Variants in CFHR2 observed in about 807,000 individuals in gnomAD.
CFHR2 encodes complement factor H related 2.
In CFHR2, 22 loss-of-function variants were observed where a neutral mutation model predicts 21.7. The ratio of observed to expected loss-of-function variants is 1.01; its 90% CI spans 0.72 to 1.45. The LOEUF is 1.45. Among genes scored for constraint, CFHR2 ranks in the 40% most tolerant of loss-of-function variants. CFHR2 has a pLI of 0.00. For missense variants in CFHR2, 294 were observed against 293.3 expected (o/e 1.00, Z -0.02); for synonymous variants, 98 against 97.4 (o/e 1.01, Z -0.04).
chr1:196,956,868 A>C (rs551996483), intron 3 of CFHR2, among the ~76,000 whole-genome samples: 6 of 152,070 alleles, frequency 3.9e-5, no homozygotes, highest in Non-Finnish European at 8.8e-5. Flanking sequence ...TCGATTGCAA[A>C]AATCTTATTT....
chr1:196,958,290 A>G, intron 4 of CFHR2, among the ~76,000 whole-genome samples: 1 of 151,996 alleles, frequency 6.6e-6, no homozygotes, highest in East Asian at 1.9e-4. Flanking sequence ...AAAAGAATAC[A>G]TATTTATTTT....
At chr1:196,952,696 C>T (rs1474396941) in intron 3 of CFHR2, among the ~76,000 whole-genome samples, 2 of 152,168 alleles carry the variant, frequency 1.3e-5, no homozygotes, top group Non-Finnish European at 2.9e-5. Flanking sequence ...AAAAATATCC[C>T]GGGTTTAATT....
chr1:196,950,616 A>T (rs868764895), intron 2 of CFHR2, among the ~76,000 whole-genome samples: 3 of 151,928 alleles, frequency 2.0e-5, no homozygotes, highest in Admixed American at 6.6e-5. Flanking sequence ...TGGAATTACA[A>T]GTGCACACCA....
Position 196,957,985 on chromosome 1 carries a change from G to T in CFHR2, c.525G>T (p.Glu175Asp). 6.2e-7 allele frequency: 1 copy of T among 1,613,654 alleles called. No individual in the cohort carries two copies. Among genetic ancestry groups the T allele is most frequent in the Non-Finnish European group, 8.5e-7 (1 of 1,179,698 alleles). ...TATATGCTCCAGGTTCATCAGTTGAGTACCAGTGCCAGAACTTGTATCAAC... is the reference window on the plus strand; with the variant it reads ...TATATGCTCCAGGTTCATCAGTTGATTACCAGTGCCAGAACTTGTATCAAC... ...LSVYAPGSSV[E>D]YQCQNLYQLE... is the part of the protein sequence containing the mutation. The change falls in exon 4 of 5, where the codon GAG (glutamate) becomes GAT (aspartate). Residue 175 changes from glutamate to aspartate, a missense_variant. Physicochemically the swap from Glu to Asp is conservative, Grantham distance 45 (BLOSUM62 2). Transcript: ENST00000367415.
At chr1:196,947,250 T>C (rs570115970) in intron 1 of CFHR2, among the ~76,000 whole-genome samples, 1 of 152,222 alleles carries the variant, frequency 6.6e-6, no homozygotes, top group East Asian at 1.9e-4. Flanking sequence ...TAAAGGAGGC[T>C]TGCAAGAAGA....
chr1:196,949,728 T>G, intron 2 of CFHR2, 79 bp downstream of exon 2: 1 of 1,563,450 alleles, frequency 6.4e-7, no homozygotes, highest in Non-Finnish European at 8.8e-7. Context: ...CATAAACACT[T>G]GATAATCACA....
At position 196,959,241 on chromosome 1, in the gene CFHR2, C is replaced by A; in HGVS notation, c.*161C>A. Reference sequence around the variant, plus strand: ...TGCAATTACAATCTGAGATGTGTCACAATGGTGAGGACTATCTTCACCAAA... The same window carrying A: ...TGCAATTACAATCTGAGATGTGTCAAAATGGTGAGGACTATCTTCACCAAA... On this transcript the variant is annotated 3_prime_UTR_variant, in exon 5 of 5. Coordinates refer to ENST00000367415, the MANE Select transcript of CFHR2 (RefSeq NM_005666.4). 1.7e-6 allele frequency: 1 copy of A among 596,976 alleles called. No individual in the cohort carries two copies. Among genetic ancestry groups the A allele is most frequent in the South Asian group, 2.3e-5 (1 of 43,860 alleles). 37.0% of individuals were successfully genotyped at this position (596,976 alleles called of 1,614,324 possible).
At chr1:196,946,544 A>G (rs1303885869) in intron 1 of CFHR2, among the ~76,000 whole-genome samples, 2 of 152,038 alleles carry the variant, frequency 1.3e-5, no homozygotes, top group Non-Finnish European at 2.9e-5. Context: ...TAAATATTTT[A>G]CTTATTTATT....
chr1:196,957,923 A>G lies in CFHR2; in HGVS notation c.463A>G (p.Ile155Val). The change falls in exon 4 of 5, where the codon ATT (isoleucine) becomes GTT (valine). Residue 155 changes from isoleucine (I) to valine (V), a missense_variant. Transcript: ENST00000367415. ...AGAAAAATGTGGGCCCCCTCCACCT[A>G]TTGACAATGGAGACATTACTTCATT... ...SAEKCGPPPP[I>V]DNGDITSFLL... is the part of the protein sequence containing the mutation. 1 of 1,613,208 alleles carries G rather than the reference A, an allele frequency of 6.2e-7. No individual in the cohort carries two copies. Among genetic ancestry groups the G allele is most frequent in the Non-Finnish European group, 8.5e-7 (1 of 1,179,408 alleles).
Position 196,946,772 on chromosome 1 carries a change from G to T in CFHR2, c.59-2683G>T, listed in dbSNP as rs986667881. Among the ~76,000 whole-genome samples, 3 of 152,120 alleles carry T rather than the reference G, an allele frequency of 2.0e-5. 1 individual carries two copies. The highest frequency in any genetic ancestry group is 4.4e-5 in the Non-Finnish European group (3 of 68,028). Reference sequence around the variant, plus strand: ...GGATCTGCCTCAGGAAACATTAACCGTTTTACAGTTAATTTTTTTAACCAG... The same window carrying T: ...GGATCTGCCTCAGGAAACATTAACCTTTTTACAGTTAATTTTTTTAACCAG... On this transcript the variant is annotated intron_variant, in intron 1 of 4. Coordinates refer to ENST00000367415, the MANE Select transcript of CFHR2 (RefSeq NM_005666.4).
chr1:196,950,249 T>A lies in CFHR2; in HGVS notation c.253+600T>A, dbSNP rs142761158. ...GAGTTAAGAGAGAAATAGATATATG[T>A]AGATGTTCTTTTGTCCCTAAAAGAG... is the stretch of plus-strand genomic sequence containing the variant. On this transcript the variant is annotated intron_variant, in intron 2 of 4. Coordinates refer to ENST00000367415, the MANE Select transcript of CFHR2 (RefSeq NM_005666.4). Among the ~76,000 whole-genome samples, 1,011 of 152,254 alleles carry A rather than the reference T, an allele frequency of 6.6e-3. 13 individuals are homozygous for A. Among genetic ancestry groups the A allele is most frequent in the African/African-American group, 0.023 (970 of 41,528 alleles).
intron 3 of CFHR2, among the ~76,000 whole-genome samples, chr1:196,951,896 G>A (rs1042650174): frequency 2.6e-5 from 4 of 152,178 alleles, no homozygotes; most frequent in East Asian, 3.9e-4. Flanking sequence ...TGCTGTGGTA[G>A]TTTGGGGTTT....
chr1:196,954,646 A>C (rs1376308307), intron 3 of CFHR2, among the ~76,000 whole-genome samples: 1 of 151,344 alleles, frequency 6.6e-6, no homozygotes, highest in Non-Finnish European at 1.5e-5. Flanking sequence ...ATACAACCTC[A>C]GAAATCCAGG....
intron 1 of CFHR2, among the ~76,000 whole-genome samples, chr1:196,948,847 G>C (rs1010996522): frequency 3.3e-5 from 5 of 151,852 alleles, no homozygotes; most frequent in Admixed American, 1.3e-4. Flanking sequence ...ACATTAACCA[G>C]AATTTAGCTC....
intron 1 of CFHR2, among the ~76,000 whole-genome samples, chr1:196,945,136 A>G: frequency 6.9e-6 from 1 of 144,646 alleles, no homozygotes. Flanking sequence ...TCGGCCTCCC[A>G]CAGTGTTGGG....
chr1:196,953,669 G>T (rs888762491), intron 3 of CFHR2, among the ~76,000 whole-genome samples: 1 of 152,086 alleles, frequency 6.6e-6, no homozygotes, highest in Non-Finnish European at 1.5e-5. Flanking sequence ...TCCAAATATT[G>T]GAATAAAATA....
intron 2 of CFHR2, 43 bp downstream of exon 2, chr1:196,949,692 A>G (rs766322385): frequency 3.7e-6 from 6 of 1,607,374 alleles, no homozygotes; most frequent in South Asian, 1.1e-5. Flanking sequence ...CATTCAATGA[A>G]CAGAGAAGGA....
chr1:196,953,992 C>T (rs1296738139), intron 3 of CFHR2, among the ~76,000 whole-genome samples: 1 of 152,090 alleles, frequency 6.6e-6, no homozygotes, highest in Admixed American at 6.6e-5. Flanking sequence ...ATAACTATTT[C>T]TAATTGAATC....
chr1:196,945,876 T>C (rs1659460692), intron 1 of CFHR2, among the ~76,000 whole-genome samples: 1 of 151,628 alleles, frequency 6.6e-6, no homozygotes, highest in African/African-American at 2.4e-5. Context: ...ATTTCCTTCT[T>C]ATTCAAACAT....
Sources: gnomAD v4.1 joint callset for allele counts (sites outside exome capture counted in the v4.1 genomes callset) on GRCh38, gnomAD v4.1.1 for gene constraint, MANE v1.5 for transcripts, NCBI Gene and HGNC (gene_info 2026-07-23, HGNC 2026-07-21) for gene names.